Variants in ADARB2 observed in about 807,000 individuals in gnomAD.
ADARB2 encodes inactive double-stranded RNA-specific editase B2.
Under a neutral mutation model 62.2 loss-of-function variants are expected in ADARB2, and 25 were observed. The observed-to-expected ratio is 0.40, with a 90% CI of 0.29 to 0.56. The LOEUF is 0.56. Ranked by LOEUF, ADARB2 falls within the 20% of genes least tolerant of loss-of-function variation. ADARB2 has a pLI of 0.43. For synonymous variants in ADARB2, 572 were observed against 500.8 expected, an observed-to-expected ratio of 1.14 and a Z score of -1.90; for missense variants, 1,071 against 1,077.4, an observed-to-expected ratio of 0.99 and a Z score of 0.08.
intron 1 of ADARB2, among the ~76,000 whole-genome samples, chr10:1,480,186 C>T (rs1831449111): frequency 6.6e-6 from 1 of 151,928 alleles, no homozygotes; most frequent in Non-Finnish European, 1.5e-5. Flanking sequence ...AAATTTTGGC[C>T]AGAGCAATTA....
Position 1,704,050 on chromosome 10 carries a change from A to T in ADARB2, c.100+33001T>A, listed in dbSNP as rs1409405279. Among the ~76,000 whole-genome samples, 88 of 152,314 alleles carry T rather than the reference A, an allele frequency of 5.8e-4. No homozygotes were observed. Among genetic ancestry groups the T allele is most frequent in the Admixed American group, 2.6e-4 (4 of 15,302 alleles). On this transcript the variant is annotated intron_variant, in intron 1 of 9. Coordinates refer to ENST00000381312, the MANE Select transcript of ADARB2 (RefSeq NM_018702.4). This position sits in a 1 kb window ranked among gnomAD's most constrained non-coding sequence, Gnocchi z 5.6. ...AGTTACCTCAAGAGTTAGTATCTTA[A>T]AAGAACAAACACTATATCTAACTTC...
At position 1,398,068 on chromosome 10, in the gene ADARB2, G is replaced by A. The variant is rs1832630604; in HGVS notation, c.101-18908C>T. 7.0e-6 allele frequency among the ~76,000 whole-genome samples: 1 copy of A among 142,086 alleles called. No individual in the cohort carries two copies. The highest frequency in any genetic ancestry group is 1.5e-5 in the Non-Finnish European group (1 of 65,562). 93.2% of individuals were successfully genotyped at this position (142,086 alleles called of 152,430 possible). On this transcript the variant is annotated intron_variant, in intron 1 of 9. Coordinates refer to ENST00000381312, the MANE Select transcript of ADARB2 (RefSeq NM_018702.4). This position sits in a 1 kb window ranked among gnomAD's most constrained non-coding sequence, Gnocchi z 4.1. ...GTCCTCCTCTCCCCTCCCGAGTGCA[G>A]GCTTCCTGGGTCACCGCCCTCCTCT...
intron 3 of ADARB2, among the ~76,000 whole-genome samples, chr10:1,301,468 C>T (rs78546790): frequency 9.2e-5 from 14 of 152,124 alleles, no homozygotes; most frequent in African/African-American, 3.4e-4. Context: ...TGAAACCCAT[C>T]AAAATATTGA....
At position 1,573,292 on chromosome 10, in the gene ADARB2, C is replaced by T. The variant is rs112254721; in HGVS notation, c.100+163759G>A. On this transcript the variant is annotated intron_variant, in intron 1 of 9. Coordinates refer to ENST00000381312, the MANE Select transcript of ADARB2 (RefSeq NM_018702.4). ...GGATGAGCCCCGGTGGGGCTGTCAC[C>T]GGCACTCAACTGTGCTCAGGTTGCA... Among the ~76,000 whole-genome samples the T allele has an allele frequency of 2.0e-3, 309 of 152,282 alleles. 1 individual carries two copies. The highest frequency in any genetic ancestry group is 5.7e-3 in the African/African-American group (237 of 41,568).
chr10:1,673,234 G>T (rs1834414579), intron 1 of ADARB2, among the ~76,000 whole-genome samples: 1 of 151,692 alleles, frequency 6.6e-6, no homozygotes, highest in African/African-American at 2.4e-5. Context: ...AGTAAATATC[G>T]TTCAGTGAAT....
chr10:1,505,553 C>T (rs1223339363), intron 1 of ADARB2, among the ~76,000 whole-genome samples: 2 of 152,206 alleles, frequency 1.3e-5, no homozygotes, highest in Non-Finnish European at 2.9e-5. Flanking sequence ...GAATTGAAAC[C>T]AGTGTGTCTA....
At chr10:1,283,554 G>T (rs898176728) in intron 3 of ADARB2, among the ~76,000 whole-genome samples, 1 of 152,226 alleles carries the variant, frequency 6.6e-6, no homozygotes, top group Non-Finnish European at 1.5e-5. Flanking sequence ...TCAGAGGAGT[G>T]TTGACGATCT....
At chr10:1,316,117 A>G (rs1431350529) in intron 3 of ADARB2, among the ~76,000 whole-genome samples, 1 of 152,238 alleles carries the variant, frequency 6.6e-6, no homozygotes, top group Non-Finnish European at 1.5e-5. Flanking sequence ...TTAAAGACTG[A>G]GTGTGAACTT....
chr10:1,256,534 C>A (rs1281840071), intron 4 of ADARB2, among the ~76,000 whole-genome samples: 1 of 152,184 alleles, frequency 6.6e-6, no homozygotes, highest in East Asian at 1.9e-4. Flanking sequence ...TATCTCACTT[C>A]CTGCAGCCAG....
At chr10:1,733,707 A>AT (rs1238902305) in intron 1 of ADARB2, among the ~76,000 whole-genome samples, 6 of 152,264 alleles carry the variant, frequency 3.9e-5, no homozygotes, top group South Asian at 2.1e-4. Context: ...ACATTGAGCT[A>AT]TTTTCTAATA....
intron 8 of ADARB2, among the ~76,000 whole-genome samples, chr10:1,197,573 A>G (rs904153348): frequency 3.9e-5 from 6 of 152,336 alleles, no homozygotes; most frequent in African/African-American, 1.4e-4. Context: ...CAGCACTGCA[A>G]TGTTCATCAC....
chr10:1,243,302 C>T lies in ADARB2; in HGVS notation c.1193-1003G>A, dbSNP rs553189629. 6.6e-5 allele frequency among the ~76,000 whole-genome samples: 10 copies of T among 152,366 alleles called. No homozygotes were observed. In the East Asian group the frequency reaches 1.5e-3, roughly 23 times the overall value. On this transcript the variant is annotated intron_variant, in intron 4 of 9. Coordinates refer to ENST00000381312, the MANE Select transcript of ADARB2 (RefSeq NM_018702.4). ...ACGCGTTAGCCGCTGACCGCGGCCA[C>T]GTCCACAGAGTTACCTGTAAATACA...
intron 3 of ADARB2, among the ~76,000 whole-genome samples, chr10:1,317,714 A>G (rs993450122): frequency 6.9e-5 from 10 of 145,398 alleles, no homozygotes; most frequent in African/African-American, 2.6e-4. Context: ...TGGGTCCCCC[A>G]AAAGCCCATC....
At chr10:1,235,350 G>A (rs1160304615) in intron 5 of ADARB2, among the ~76,000 whole-genome samples, 6 of 109,066 alleles carry the variant, frequency 5.5e-5, no homozygotes, top group African/African-American at 2.1e-4. Flanking sequence ...CTCTGATGGT[G>A]AATGATTTGC....
At chr10:1,718,686 T>C (rs1835052701) in intron 1 of ADARB2, among the ~76,000 whole-genome samples, 1 of 152,300 alleles carries the variant, frequency 6.6e-6, no homozygotes, top group South Asian at 2.1e-4. Context: ...ACGGCTGCTT[T>C]ACCTAGGGGG....
intron 1 of ADARB2, among the ~76,000 whole-genome samples, chr10:1,503,182 A>G (rs1020442293): frequency 6.6e-6 from 1 of 152,136 alleles, no homozygotes; most frequent in African/African-American, 2.4e-5. Flanking sequence ...AGAACCATGG[A>G]TTATGCAATA....
At chr10:1,234,233 C>G (rs183243571) in intron 5 of ADARB2, among the ~76,000 whole-genome samples, 8 of 152,182 alleles carry the variant, frequency 5.3e-5, no homozygotes, top group Non-Finnish European at 8.8e-5. Context: ...AGGTGATCCA[C>G]CCACCTCAGT....
At chr10:1,268,270 G>C (rs1174783871) in intron 4 of ADARB2, among the ~76,000 whole-genome samples, 1 of 152,182 alleles carries the variant, frequency 6.6e-6, no homozygotes, top group Non-Finnish European at 1.5e-5. Context: ...GTGAAGGGGA[G>C]TGAGGGGTGG....
At chr10:1,440,217 C>G (rs539790835) in intron 1 of ADARB2, among the ~76,000 whole-genome samples, 1 of 152,276 alleles carries the variant, frequency 6.6e-6, no homozygotes, top group African/African-American at 2.4e-5. Flanking sequence ...CTATGGGTCT[C>G]CTGAGTCTCC....
Sources: allele counts gnomAD v4.1 joint callset (sites outside exome capture counted in the v4.1 genomes callset), GRCh38; gene constraint gnomAD v4.1.1; non-coding constraint Gnocchi (gnomAD v3.1); transcripts MANE v1.5; gene names NCBI Gene and HGNC (gene_info 2026-07-23, HGNC 2026-07-21).